Variants in SLF1 observed in about 807,000 individuals in gnomAD.
The protein encoded by SLF1 is SMC5-SMC6 complex localization factor protein 1.
In SLF1, 105 loss-of-function variants were observed where a neutral mutation model predicts 123.0. The observed-to-expected ratio is 0.85, with a 90% CI of 0.73 to 1.00. The LOEUF (loss-of-function observed/expected upper bound fraction) is 1.00. Among genes scored for constraint, SLF1 ranks in the 50% least tolerant of loss-of-function variants. The pLI is 0.00. For synonymous variants in SLF1, 434 were observed against 406.6 expected (o/e 1.07, Z -0.81); for missense variants, 1,239 against 1,223.0 (o/e 1.01, Z -0.20).
rs1747760779 is a variant in SLF1, at chr5:94,651,857, C to G, written c.882+12C>G. The stretch of plus-strand genomic sequence containing the variant: ...CATATGAAAATCAGGTACAACTTTC[C>G]AAATTAAAAATAATTTATTTTTAAT... On this transcript the variant is annotated intron_variant, in intron 7 of 20. Transcript: ENST00000265140. 1 of 1,311,790 alleles carries G rather than the reference C, an allele frequency of 7.6e-7. No individual in the cohort carries two copies. The highest frequency in any genetic ancestry group is 1.7e-5 in the South Asian group (1 of 58,328). The allele number at this position is 1,311,790 out of a possible 1,614,324, so 81.3% of individuals were successfully genotyped here. A position where few individuals can be genotyped will look rare whatever the true frequency, so the allele number is the denominator to read the frequency against.
intron 15 of SLF1, among the ~76,000 whole-genome samples, 184 bp downstream of exon 15, chr5:94,679,139 A>G (rs1042603209): frequency 6.6e-6 from 1 of 152,144 alleles, no homozygotes; most frequent in African/African-American, 2.4e-5. Flanking sequence ...AAGTACCCAT[A>G]TTGTTCCTAC....
chr5:94,643,597 A>T (rs1275422587), intron 5 of SLF1, among the ~76,000 whole-genome samples, 162 bp downstream of exon 5: 1 of 152,162 alleles, frequency 6.6e-6, no homozygotes, highest in African/African-American at 2.4e-5. Flanking sequence ...CAATTACTTA[A>T]ATATTCATGA....
rs542764514 is a variant in SLF1, at chr5:94,665,968, G to T, written c.1476G>T (p.Leu492Phe). The T allele has an allele frequency of 1.3e-6, 2 of 1,551,388 alleles. No homozygotes were observed. The highest frequency in any genetic ancestry group is 3.9e-5 in the Admixed American group (2 of 50,990). ...CCATGTCGAGATATTATTTAGAGTT[G>T]TTTCAGTGTCCAACTTGTATGAAAG... ...SPAMSRYYLE[L>F]FQCPTCMKGA... The change falls in exon 12 of 21, where the codon TTG (leucine) becomes TTT (phenylalanine). Residue 492 changes from leucine (L) to phenylalanine (F), a missense_variant. By Grantham distance (22) the Leu-to-Phe change is conservative. Coordinates refer to ENST00000265140, the MANE Select transcript of SLF1 (RefSeq NM_032290.4).
intron 12 of SLF1, among the ~76,000 whole-genome samples, chr5:94,666,367 A>G (rs1357396594): frequency 6.6e-6 from 1 of 152,246 alleles, no homozygotes; most frequent in Non-Finnish European, 1.5e-5. Context: ...TGTCACCAAA[A>G]GTGTAGACAT....
In SLF1 at chr5:94,692,224, T is replaced by C; in HGVS notation, c.2663T>C (p.Val888Ala). 3 of 1,613,762 alleles carry C rather than the reference T, an allele frequency of 1.9e-6. No individual in the cohort carries two copies. The highest frequency in any genetic ancestry group is 1.3e-5 in the African/African-American group (1 of 75,024). Residue 888 changes from valine (V) to alanine (A), a missense_variant, in exon 20 of 21, where the codon GTA (valine) becomes GCA (alanine). Transcript: ENST00000265140. ...CATGATGCACTGTCAAACGGACATGTAGAAATTGGCAAGCTGCTACTACAG... is the reference window on the plus strand; with the variant it reads ...CATGATGCACTGTCAAACGGACATGCAGAAATTGGCAAGCTGCTACTACAG... ...PLHDALSNGHVEIGKLLLQHG... is the reference protein window; with the variant it reads ...PLHDALSNGHAEIGKLLLQHG...
intron 10 of SLF1, among the ~76,000 whole-genome samples, chr5:94,663,090 T>C (rs896371269): frequency 1.3e-5 from 2 of 152,228 alleles, no homozygotes; most frequent in African/African-American, 4.8e-5. Context: ...TTTTTAAGTT[T>C]AAAAGAAAAC....
chr5:94,691,953 C>G (rs1364708852), intron 19 of SLF1, 121 bp from the exon 20 acceptor site: 2 of 860,082 alleles, frequency 2.3e-6, no homozygotes, highest in Non-Finnish European at 1.7e-6. Context: ...TTTATCACAG[C>G]ATTCTTTTTG....
At chr5:94,640,918 T>G (rs538957819) in intron 4 of SLF1, among the ~76,000 whole-genome samples, 1 of 152,248 alleles carries the variant, frequency 6.6e-6, no homozygotes, top group African/African-American at 2.4e-5. Flanking sequence ...TCTGATAATT[T>G]CAACATGTGG....
intron 1 of SLF1, among the ~76,000 whole-genome samples, chr5:94,624,354 G>A (rs1207339278): frequency 6.6e-6 from 1 of 152,004 alleles, no homozygotes; most frequent in African/African-American, 2.4e-5. Context: ...ATTTTACTAT[G>A]GGCTCTTGCT....
intron 9 of SLF1, among the ~76,000 whole-genome samples, chr5:94,661,453 T>A (rs1459895438): frequency 6.6e-6 from 1 of 152,176 alleles, no homozygotes; most frequent in Non-Finnish European, 1.5e-5. Context: ...ACTCACTGTT[T>A]TAGTCCTTTG....
intron 10 of SLF1, 139 bp from the exon 11 acceptor site, chr5:94,663,611 T>G: frequency 1.3e-6 from 1 of 771,100 alleles, no homozygotes; most frequent in Non-Finnish European, 2.0e-6. Flanking sequence ...CACCACTGCA[T>G]TCCAGCCTGG....
chr5:94,688,524 G>A lies in SLF1; in HGVS notation c.2140G>A (p.Ala714Thr). 1 of 1,614,010 alleles carries A rather than the reference G, an allele frequency of 6.2e-7. No homozygotes were observed. Among genetic ancestry groups the A allele is most frequent in the Non-Finnish European group, 8.5e-7 (1 of 1,179,946 alleles). Reference protein sequence around the residue: ...LQKMVYSYLPALGKTGVLGSG... With the variant: ...LQKMVYSYLPTLGKTGVLGSG... ...TCAACAGGTATATTCCTATTTACCA[G>A]CCTTGGGGAAAACTGGTGTGCTTGG... Residue 714 changes from alanine to threonine, a missense_variant, in exon 17 of 21, where the codon GCC becomes ACC. Physicochemically the swap from Ala to Thr is moderately conservative, Grantham distance 58 (BLOSUM62 0). Coordinates refer to ENST00000265140, the MANE Select transcript of SLF1 (RefSeq NM_032290.4).
intron 5 of SLF1, 29 bp downstream of exon 5, chr5:94,643,464 T>C (rs1207412986): frequency 1.5e-6 from 2 of 1,348,746 alleles, no homozygotes; most frequent in East Asian, 2.7e-5. Context: ...AAACATTTTA[T>C]TTTGTTTCAT....
chr5:94,670,249 T>C lies in SLF1; in HGVS notation c.1631T>C (p.Ile544Thr). The change falls in exon 13 of 21, where the codon ATT (isoleucine) becomes ACT (threonine). Residue 544 changes from isoleucine to threonine, a missense_variant. Physicochemically the swap from Ile to Thr is moderately conservative, Grantham distance 89. Coordinates refer to ENST00000265140, the MANE Select transcript of SLF1 (RefSeq NM_032290.4). The stretch of plus-strand genomic sequence containing the variant: ...CTACTCAAATTTTTCTTTAATTTAA[T>C]TGAAAGTGAAGTACAACATCTGAGT... Reference protein sequence around the residue: ...LTLLKFFFNLIESEVQHLSQK... With the variant: ...LTLLKFFFNLTESEVQHLSQK... 2.6e-6 allele frequency: 4 copies of C among 1,514,000 alleles called. No homozygotes were observed. The highest frequency in any genetic ancestry group is 3.5e-6 in the Non-Finnish European group (4 of 1,133,808). 93.8% of individuals were successfully genotyped at this position (1,514,000 alleles called of 1,614,324 possible). A position where few individuals can be genotyped will look rare whatever the true frequency, so the allele number is the denominator to read the frequency against.
chr5:94,689,723 C>T (rs1752864432), intron 18 of SLF1, 117 bp downstream of exon 18: 7 of 844,686 alleles, frequency 8.3e-6, no homozygotes, highest in Non-Finnish European at 1.1e-5. Flanking sequence ...GGACTAGGTC[C>T]AGGAAGTACC....
chr5:94,630,833 A>C, intron 4 of SLF1, 90 bp downstream of exon 4: 4 of 1,348,608 alleles, frequency 3.0e-6, no homozygotes, highest in Non-Finnish European at 4.0e-6. Context: ...TGCAATTATT[A>C]GCCCAAATGA....
chr5:94,672,319 A>T (rs1301682120), intron 14 of SLF1, among the ~76,000 whole-genome samples: 1 of 152,094 alleles, frequency 6.6e-6, no homozygotes, highest in Non-Finnish European at 1.5e-5. Flanking sequence ...ATGCTTATGT[A>T]GTTTCTCGTC....
chr5:94,670,336 AT>A (rs940665456), intron 13 of SLF1, 57 bp downstream of exon 13: 19,149 of 1,010,460 alleles, frequency 0.019, 3 homozygotes, highest in East Asian at 0.031. Flanking sequence ...TTTATGCACC[AT>A]TTTTTTTTTA....
intron 5 of SLF1, among the ~76,000 whole-genome samples, chr5:94,646,278 A>T (rs755901): frequency 0.6 from 90,768 of 151,608 alleles, 27,809 homozygotes; most frequent in African/African-American, 0.74. Flanking sequence ...TGTATTTTTT[A>T]AAAAAGTTTT....
Sources: allele counts gnomAD v4.1 joint callset (sites outside exome capture counted in the v4.1 genomes callset), GRCh38; gene constraint gnomAD v4.1.1; transcripts MANE v1.5; gene names NCBI Gene and HGNC (gene_info 2026-07-23, HGNC 2026-07-21).